ANKFN1: variants seen among roughly 807,000 people sequenced by gnomAD.
ANKFN1 encodes ankyrin repeat and fibronectin type-III domain-containing protein 1.
ANKFN1 carries 74 observed loss-of-function variants against 108.7 expected under a neutral mutation model. That is an observed-to-expected ratio of 0.68 (90% CI 0.56 to 0.83). The LOEUF is 0.83. Among genes scored for constraint, ANKFN1 ranks in the 40% least tolerant of loss-of-function variants. The pLI is 0.00. For synonymous variants in ANKFN1, 547 were observed against 516.2 expected, an observed-to-expected ratio of 1.06 and a Z score of -0.81; for missense variants, 1,505 against 1,382.3, an observed-to-expected ratio of 1.09 and a Z score of -1.41.
At chr17:56,287,995 T>G (rs540012516) in intron 3 of ANKFN1, among the ~76,000 whole-genome samples, 5 of 152,234 alleles carry the variant, frequency 3.3e-5, no homozygotes, top group African/African-American at 1.2e-4. Flanking sequence ...GCCATTTAAA[T>G]GTAACTGTGT....
intron 8 of ANKFN1, among the ~76,000 whole-genome samples, chr17:56,431,517 A>C (rs1055700028): frequency 1.3e-5 from 2 of 152,110 alleles, no homozygotes; most frequent in Non-Finnish European, 2.9e-5. Context: ...TGTCCTCCCC[A>C]TATCTATGTC....
At chr17:56,470,848 A>G (rs1205970049) in intron 15 of ANKFN1, among the ~76,000 whole-genome samples, 1 of 152,172 alleles carries the variant, frequency 6.6e-6, no homozygotes, top group Non-Finnish European at 1.5e-5. Context: ...GAAGGAAAAG[A>G]GAGTTATTGT....
At chr17:56,064,177 C>G (rs1905023630) in intron 4 of ANKFN1, among the ~76,000 whole-genome samples, 1 of 146,596 alleles carries the variant, frequency 6.8e-6, no homozygotes, top group Admixed American at 6.7e-5. Context: ...TATAAGATGT[C>G]TGACAACCCC....
At chr17:56,377,470 T>C (rs1433930209) in intron 8 of ANKFN1, among the ~76,000 whole-genome samples, 2 of 152,080 alleles carry the variant, frequency 1.3e-5, no homozygotes, top group Non-Finnish European at 2.9e-5. Context: ...TTCCCCTGAA[T>C]GCAGTAAAAC....
At chr17:56,200,647 T>C (rs1913970485) in intron 1 of ANKFN1, among the ~76,000 whole-genome samples, 1 of 152,232 alleles carries the variant, frequency 6.6e-6, no homozygotes, top group Non-Finnish European at 1.5e-5. Context: ...ACCCTTGGGC[T>C]GTACAGTCTT....
At chr17:56,462,309 A>T (rs1433649654) in intron 14 of ANKFN1, 2 of 152,230 alleles carry the variant, frequency 1.3e-5, no homozygotes, top group Non-Finnish European at 2.9e-5. Flanking sequence ...ATATTTTACA[A>T]TGTGGCCAGG....
intron 1 of ANKFN1, among the ~76,000 whole-genome samples, chr17:56,158,079 C>T (rs1379936917): frequency 6.6e-6 from 1 of 152,206 alleles, no homozygotes; most frequent in Non-Finnish European, 1.5e-5. Flanking sequence ...TTAGGCTCCT[C>T]CCACTGATCC....
intron 6 of ANKFN1, among the ~76,000 whole-genome samples, chr17:56,360,968 C>T (rs2046500917): frequency 6.6e-6 from 1 of 152,002 alleles, no homozygotes. Flanking sequence ...AAAATTTGTA[C>T]CCTTTGATCA....
chr17:56,061,265 C>CTTTTTTTTTTTTTT (rs71137190), intron 4 of ANKFN1, among the ~76,000 whole-genome samples: 3 of 72,932 alleles, frequency 4.1e-5, no homozygotes, highest in African/African-American at 5.6e-5. Context: ...GGTAGTTTTT[C>CTTTTTTTTTTTTTT]TTTTTTTTTT....
intron 3 of ANKFN1, among the ~76,000 whole-genome samples, chr17:56,319,079 TAGAC>T (rs1424237459): frequency 6.6e-6 from 1 of 152,066 alleles, no homozygotes; most frequent in African/African-American, 2.4e-5. Flanking sequence ...AGAAAAAACA[TAGAC>T]AAAGGAGGAA....
intron 3 of ANKFN1, among the ~76,000 whole-genome samples, chr17:56,278,047 A>G (rs958852639): frequency 1.3e-5 from 2 of 152,210 alleles, no homozygotes; most frequent in Non-Finnish European, 2.9e-5. Flanking sequence ...TAGAGCAAAT[A>G]TCAAGAGATA....
chr17:56,231,052 A>C (rs960998749), intron 3 of ANKFN1, among the ~76,000 whole-genome samples: 3 of 152,078 alleles, frequency 2.0e-5, no homozygotes, highest in Non-Finnish European at 4.4e-5. Context: ...TGTGGCTAGG[A>C]TTTTAGCTGA....
At chr17:56,119,357 T>G (rs1421778096) in intron 4 of ANKFN1, among the ~76,000 whole-genome samples, 2 of 152,118 alleles carry the variant, frequency 1.3e-5, no homozygotes, top group African/African-American at 4.8e-5. Context: ...CATCAACAGT[T>G]GTGAATGCCA....
chr17:56,248,566 A>G (rs1745633839), intron 3 of ANKFN1, among the ~76,000 whole-genome samples: 1 of 152,186 alleles, frequency 6.6e-6, no homozygotes, highest in Admixed American at 6.5e-5. Flanking sequence ...GGCTTACATT[A>G]CTATTTTCAC....
intron 4 of ANKFN1, among the ~76,000 whole-genome samples, chr17:56,335,033 C>T (rs893277827): frequency 3.9e-5 from 6 of 152,034 alleles, no homozygotes; most frequent in African/African-American, 7.2e-5. Context: ...ATCAGATGGT[C>T]GTACATGTGT....
chr17:56,281,239 G>A (rs1273129030), intron 3 of ANKFN1, among the ~76,000 whole-genome samples: 3 of 151,888 alleles, frequency 2.0e-5, no homozygotes, highest in Non-Finnish European at 2.9e-5. Context: ...AACAGATAAT[G>A]TAACACTTGA....
intron 4 of ANKFN1, among the ~76,000 whole-genome samples, chr17:56,063,630 T>C (rs1360383851): frequency 1.3e-5 from 2 of 152,032 alleles, no homozygotes; most frequent in East Asian, 3.9e-4. Context: ...AAATGGTTAC[T>C]GTAGTTAGCA....
intron 4 of ANKFN1, among the ~76,000 whole-genome samples, chr17:56,056,908 T>C (rs1240600853): frequency 2.0e-5 from 3 of 152,276 alleles, no homozygotes; most frequent in Non-Finnish European, 4.4e-5. Context: ...TAGCATATTT[T>C]GTTTAATGGC....
chr17:56,333,582 C>A lies in ANKFN1; in HGVS notation c.188+7227C>A, dbSNP rs1009643098. Among the ~76,000 whole-genome samples the A allele has an allele frequency of 2.0e-5, 3 of 152,002 alleles. No individual in the cohort carries two copies. The South Asian group carries it at 6.2e-4, about 32-fold the overall frequency. ...ACATTGCTGGATTTAATTTTGCTAA[C>A]GTTTTGTTGAAATTTTTTGCCTCCA... On this transcript the variant is annotated intron_variant, in intron 4 of 20. Transcript: ENST00000682825.
Sources: gnomAD v4.1 joint callset for allele counts (sites outside exome capture counted in the v4.1 genomes callset) on GRCh38, gnomAD v4.1.1 for gene constraint, MANE v1.5 for transcripts, NCBI Gene and HGNC (gene_info 2026-07-23, HGNC 2026-07-21) for gene names.